Variants in OR3A2 observed in about 807,000 individuals in gnomAD.
The protein encoded by OR3A2 is olfactory receptor family 3 subfamily A member 2.
For synonymous variants in OR3A2, 126 were observed against 159.3 expected (o/e 0.79, Z 1.57); for missense variants, 318 against 392.8 (o/e 0.81, Z 1.61).
At chr17:3,352,134 T>C (rs1356701233) in intron 2 of OR3A2, among the ~76,000 whole-genome samples, 1 of 152,012 alleles carries the variant, frequency 6.6e-6, no homozygotes, top group Non-Finnish European at 1.5e-5. Flanking sequence ...GCTGAGCTCC[T>C]CATATATTCT....
chr17:3,358,601 T>C (rs982420680), intron 2 of OR3A2, among the ~76,000 whole-genome samples: 28 of 151,808 alleles, frequency 1.8e-4, no homozygotes, highest in Admixed American at 7.2e-4. Context: ...GTGATTTTAA[T>C]AATCTTGACT....
intron 2 of OR3A2, among the ~76,000 whole-genome samples, chr17:3,368,984 T>C (rs988514705): frequency 6.6e-6 from 1 of 152,230 alleles, no homozygotes; most frequent in African/African-American, 2.4e-5. Context: ...AGTATACATA[T>C]ATTTTTTGTA....
intron 3 of OR3A2, among the ~76,000 whole-genome samples, chr17:3,308,978 T>C (rs894541567): frequency 4.6e-5 from 7 of 152,146 alleles, no homozygotes; most frequent in African/African-American, 1.7e-4. Context: ...CTGTCTCAGC[T>C]CACTGCAACC....
At chr17:3,315,432 T>A (rs920159700) in intron 3 of OR3A2, among the ~76,000 whole-genome samples, 1 of 152,182 alleles carries the variant, frequency 6.6e-6, no homozygotes, top group Admixed American at 6.5e-5. Context: ...ATTCCTCTGA[T>A]GATTAGTGAT....
chr17:3,360,560 T>C (rs1246953591), intron 2 of OR3A2, among the ~76,000 whole-genome samples: 1 of 151,770 alleles, frequency 6.6e-6, no homozygotes, highest in Non-Finnish European at 1.5e-5. Context: ...GGTCTAACAT[T>C]TAAATCTTTA....
chr17:3,367,601 G>GTATATATATATATATATATA (rs553464584), intron 2 of OR3A2, among the ~76,000 whole-genome samples: 30 of 122,534 alleles, frequency 2.4e-4, no homozygotes, highest in South Asian at 1.6e-3. Context: ...GTGTGTGTGT[G>GTATATATATATATATATATA]TATATATATA....
At chr17:3,310,923 G>A in intron 3 of OR3A2, 2 of 646,352 alleles carry the variant, frequency 3.1e-6, no homozygotes, top group Non-Finnish European at 5.6e-6. Context: ...GCTGTTTGTA[G>A]CAGCAGCTTT....
chr17:3,301,115 A>G (rs2048962247), intron 3 of OR3A2, among the ~76,000 whole-genome samples: 1 of 152,156 alleles, frequency 6.6e-6, no homozygotes, highest in African/African-American at 2.4e-5. Context: ...GGTTGGTTCC[A>G]AGTCTTTGCT....
chr17:3,302,070 A>G (rs2150626728), intron 3 of OR3A2, among the ~76,000 whole-genome samples: 1 of 152,244 alleles, frequency 6.6e-6, no homozygotes, highest in Non-Finnish European at 1.5e-5. Flanking sequence ...AGAACTACAA[A>G]CCACTGCTCA....
At chr17:3,331,543 C>T (rs1187049537) in intron 3 of OR3A2, among the ~76,000 whole-genome samples, 9 of 150,868 alleles carry the variant, frequency 6.0e-5, no homozygotes, top group South Asian at 2.1e-4. Context: ...ACGTAGTTCT[C>T]GAGCCTTGGT....
At chr17:3,340,149 TG>T (rs1395162496) in intron 2 of OR3A2, among the ~76,000 whole-genome samples, 2 of 152,172 alleles carry the variant, frequency 1.3e-5, no homozygotes, top group African/African-American at 2.4e-5. Context: ...TACATCTATT[TG>T]ATTCTTCTCT....
At chr17:3,300,860 G>C (rs925468839) in intron 3 of OR3A2, among the ~76,000 whole-genome samples, 1 of 101,556 alleles carries the variant, frequency 9.8e-6, no homozygotes, top group Non-Finnish European at 1.9e-5. Context: ...TCCCACGACA[G>C]GCCCTGGTGT....
At chr17:3,329,182 T>G (rs2049206213) in intron 3 of OR3A2, among the ~76,000 whole-genome samples, 1 of 151,924 alleles carries the variant, frequency 6.6e-6, no homozygotes, top group African/African-American at 2.4e-5. Flanking sequence ...CTTTTTTGGT[T>G]GTGACTCTGC....
chr17:3,292,327 T>C lies in OR3A2; in HGVS notation c.-84-13174A>G, dbSNP rs1328316501. 6 of 1,613,856 alleles carry C rather than the reference T, an allele frequency of 3.7e-6. No homozygotes were observed. In the African/African-American group the frequency reaches 6.7e-5, roughly 18 times the overall value. ...GCACGCTTGCGGGACAGGAGACGACTCAACATTGATGGAACAGTGACGCTG... is the reference window on the plus strand; with the variant it reads ...GCACGCTTGCGGGACAGGAGACGACCCAACATTGATGGAACAGTGACGCTG... On this transcript the variant is annotated intron_variant, in intron 3 of 4. Transcript: ENST00000573491.
chr17:3,353,814 C>T (rs34393650), intron 2 of OR3A2, among the ~76,000 whole-genome samples: 5,957 of 151,752 alleles, frequency 0.039, 187 homozygotes, highest in Middle Eastern at 0.089. Context: ...TTTCAAGTTA[C>T]AAACAATCCA....
At chr17:3,367,991 G>A (rs1350007642) in intron 2 of OR3A2, among the ~76,000 whole-genome samples, 2 of 152,144 alleles carry the variant, frequency 1.3e-5, no homozygotes, top group Non-Finnish European at 2.9e-5. Context: ...CTGATAATTA[G>A]TGATGTTGAG....
intron 2 of OR3A2, among the ~76,000 whole-genome samples, chr17:3,346,045 T>A (rs974920124): frequency 6.6e-6 from 1 of 152,142 alleles, no homozygotes; most frequent in African/African-American, 2.4e-5. Flanking sequence ...TAAACCTTCC[T>A]CTGGGGACAA....
At position 3,292,755 on chromosome 17, in the gene OR3A2, C is replaced by T. The variant is rs547347889; in HGVS notation, c.-84-13602G>A. 7.9e-5 allele frequency among the ~76,000 whole-genome samples: 12 copies of T among 152,166 alleles called. No homozygotes were observed. The East Asian group carries it at 9.7e-4, about 12-fold the overall frequency. ...GCCACACTACACTTGTTTACTCTGT[C>T]GCTACATTTACCTGAATAACTTTAT... On this transcript the variant is annotated intron_variant, in intron 3 of 4. Coordinates refer to the OR3A2 transcript ENST00000573491.
chr17:3,372,949 A>C (rs946503618), intron 2 of OR3A2, among the ~76,000 whole-genome samples: 9 of 150,572 alleles, frequency 6.0e-5, no homozygotes, highest in Admixed American at 2.0e-4. Context: ...AATGCTATGA[A>C]CTTTCCTCTT....
Sources: gnomAD v4.1 joint callset for allele counts (sites outside exome capture counted in the v4.1 genomes callset) on GRCh38, gnomAD v4.1.1 for gene constraint, MANE v1.5 for transcripts, NCBI Gene and HGNC (gene_info 2026-07-23, HGNC 2026-07-21) for gene names.